The following LRRC7 variants were observed in gnomAD, a reference collection of about 807,000 sequenced individuals.
The protein encoded by LRRC7 is leucine rich repeat containing 7.
A neutral mutation model predicts 175.7 loss-of-function variants in LRRC7; 23 were observed. The observed-to-expected ratio is 0.13, with a 90% confidence interval of 0.09 to 0.19. The LOEUF (loss-of-function observed/expected upper bound fraction) is 0.19, where lower values mean the gene tolerates loss of function less well. LRRC7 is among the 10% of genes least tolerant of loss of function. The pLI is 1.00. For synonymous variants in LRRC7, 685 were observed against 680.9 expected (o/e 1.01, Z -0.09); for missense variants, 1,354 against 1,904.7 (o/e 0.71, Z 5.38).
At chr1:69,959,923 G>A (rs372712605) in intron 8 of LRRC7, among the ~76,000 whole-genome samples, 10 of 152,014 alleles carry the variant, frequency 6.6e-5, no homozygotes, top group African/African-American at 1.9e-4. Context: ...ATTGATATTC[G>A]TCAAGGATAT....
intron 3 of LRRC7, among the ~76,000 whole-genome samples, chr1:69,770,788 C>T (rs1407403139): frequency 1.3e-5 from 2 of 152,144 alleles, no homozygotes; most frequent in Non-Finnish European, 2.9e-5. Context: ...TAAGTAGCCC[C>T]ACATATATCT....
intron 7 of LRRC7, among the ~76,000 whole-genome samples, chr1:69,908,891 T>A (rs1425779827): frequency 2.5e-4 from 38 of 151,292 alleles, no homozygotes; most frequent in Non-Finnish European, 4.6e-4. Context: ...CCCATTATTA[T>A]TGTGTGGGAG....
chr1:69,839,811 T>C (rs1681527632), intron 7 of LRRC7, among the ~76,000 whole-genome samples: 1 of 152,078 alleles, frequency 6.6e-6, no homozygotes, highest in East Asian at 1.9e-4. Context: ...AATATGAATT[T>C]TAAATATAAA....
intron 8 of LRRC7, among the ~76,000 whole-genome samples, chr1:69,941,303 G>A (rs1013728866): frequency 7.2e-5 from 11 of 152,020 alleles, no homozygotes; most frequent in Admixed American, 4.6e-4. Flanking sequence ...GTAGAACCTC[G>A]ATCTAACTCA....
chr1:69,703,459 T>C (rs1663631612), intron 2 of LRRC7, among the ~76,000 whole-genome samples: 1 of 152,000 alleles, frequency 6.6e-6, no homozygotes, highest in Admixed American at 6.6e-5. Context: ...TTTGTTTCAT[T>C]TCATATTTGT....
intron 1 of LRRC7, among the ~76,000 whole-genome samples, chr1:69,577,037 G>A (rs556432950): frequency 6.6e-6 from 1 of 152,008 alleles, no homozygotes; most frequent in Non-Finnish European, 1.5e-5. Flanking sequence ...TTTCTGCCTC[G>A]TCTCGTCATA....
intron 25 of LRRC7, among the ~76,000 whole-genome samples, chr1:70,094,408 T>G (rs1206487242): frequency 6.6e-6 from 1 of 152,170 alleles, no homozygotes; most frequent in Non-Finnish European, 1.5e-5. Context: ...TAAAATGCCT[T>G]AATTTGCCTA....
chr1:70,071,512 A>C (rs371638939), intron 23 of LRRC7, among the ~76,000 whole-genome samples: 1 of 152,280 alleles, frequency 6.6e-6, no homozygotes, highest in East Asian at 1.9e-4. Context: ...GCCACAGAAA[A>C]CATGATGTGA....
chr1:69,690,425 ATATTT>A lies in LRRC7; in HGVS notation c.100+11948_100+11952del, dbSNP rs577573915. Reference sequence around the variant, plus strand: ...GAAGAAGTAGGAAAAAGTCAGAAAAATATTTAAGTGAGGGATTTGAAAAGCAAATT... The same window carrying A: ...GAAGAAGTAGGAAAAAGTCAGAAAAAAAGTGAGGGATTTGAAAAGCAAATT... On this transcript the variant is annotated intron_variant, in intron 2 of 26. Transcript: ENST00000651989. 5.3e-5 allele frequency among the ~76,000 whole-genome samples: 8 copies of A among 152,338 alleles called. No individual in the cohort carries two copies. The East Asian group carries it at 1.5e-3, about 29-fold the overall frequency.
At chr1:69,781,920 G>GAAAGAAAGAAAGAA (rs1553155307) in intron 3 of LRRC7, among the ~76,000 whole-genome samples, 15,858 of 91,970 alleles carry the variant, frequency 0.17, 1,694 homozygotes, top group East Asian at 0.47. Flanking sequence ...AAAGAAGAAA[G>GAAAGAAAGAAAGAA]AAAGAAAGAA....
intron 1 of LRRC7, among the ~76,000 whole-genome samples, chr1:69,629,634 A>G (rs1570047315): frequency 6.6e-6 from 1 of 152,126 alleles, no homozygotes; most frequent in Non-Finnish European, 1.5e-5. Context: ...ATTTTGACAT[A>G]GTTTTGACTC....
At chr1:69,672,133 A>G (rs1487976518) in intron 1 of LRRC7, among the ~76,000 whole-genome samples, 1 of 152,158 alleles carries the variant, frequency 6.6e-6, no homozygotes, top group East Asian at 1.9e-4. Flanking sequence ...ACATTAGATG[A>G]AGGCACTTTT....
In LRRC7 at chr1:69,979,017, A is replaced by G. The variant is rs1653132917; in HGVS notation, c.712-1362A>G. Among the ~76,000 whole-genome samples, 4 of 151,784 alleles carry G rather than the reference A, an allele frequency of 2.6e-5. No homozygotes were observed. The South Asian group carries it at 8.3e-4, about 32-fold the overall frequency. On this transcript the variant is annotated intron_variant, in intron 8 of 26. Coordinates refer to ENST00000651989, the MANE Select transcript of LRRC7 (RefSeq NM_001370785.2). ...TCTATCCTTTAGCTCCACTTTCTGT[A>G]GAAATGCTCCATCCTTAGACAGGCT...
At chr1:69,955,712 A>G (rs888685524) in intron 8 of LRRC7, among the ~76,000 whole-genome samples, 3 of 152,036 alleles carry the variant, frequency 2.0e-5, no homozygotes, top group Non-Finnish European at 4.4e-5. Flanking sequence ...TCTGTAATAT[A>G]AACGAAAAAT....
chr1:69,844,585 G>T (rs1483325410), intron 7 of LRRC7, among the ~76,000 whole-genome samples: 2 of 152,058 alleles, frequency 1.3e-5, no homozygotes, highest in East Asian at 3.9e-4. Flanking sequence ...TCATTCATCT[G>T]TTGTTGGACA....
chr1:69,737,714 T>G (rs1668276607), intron 2 of LRRC7, among the ~76,000 whole-genome samples: 1 of 152,008 alleles, frequency 6.6e-6, no homozygotes, highest in African/African-American at 2.4e-5. Context: ...GTTAGACACT[T>G]CCCAGAACTC....
chr1:69,968,618 A>G (rs1430264606), intron 8 of LRRC7, among the ~76,000 whole-genome samples: 1 of 152,150 alleles, frequency 6.6e-6, no homozygotes, highest in East Asian at 1.9e-4. Context: ...CAGAAACCCT[A>G]CAAGCTAGAA....
At chr1:69,917,270 G>A (rs930242280) in intron 7 of LRRC7, among the ~76,000 whole-genome samples, 1 of 152,100 alleles carries the variant, frequency 6.6e-6, no homozygotes, top group Non-Finnish European at 1.5e-5. Context: ...TATTTGCTCC[G>A]TGACCTACAG....
At position 69,979,364 on chromosome 1, in the gene LRRC7, T is replaced by C. The variant is rs1053886451; in HGVS notation, c.712-1015T>C. 2.6e-5 allele frequency among the ~76,000 whole-genome samples: 4 copies of C among 152,234 alleles called. No individual in the cohort carries two copies. In the South Asian group the frequency reaches 6.2e-4, roughly 24 times the overall value. On this transcript the variant is annotated intron_variant, in intron 8 of 26. Transcript: ENST00000651989. ...AGGAAGGTTTTGATGTTGGCAGCAA[T>C]AGCAACCTCTATTCTCTCTATACAG...
Sources: gnomAD v4.1 joint callset for allele counts (sites outside exome capture counted in the v4.1 genomes callset) on GRCh38, gnomAD v4.1.1 for gene constraint, MANE v1.5 for transcripts, NCBI Gene and HGNC (gene_info 2026-07-23, HGNC 2026-07-21) for gene names.